MYO16: variants seen among roughly 807,000 people sequenced by gnomAD.
The protein encoded by MYO16 is myosin XVI.
In MYO16, 94 loss-of-function variants were observed where a neutral mutation model predicts 205.3. The ratio of observed to expected loss-of-function variants is 0.46; its 90% CI spans 0.39 to 0.54. The LOEUF is 0.54. Ranked by LOEUF, MYO16 falls within the 20% of genes least tolerant of loss-of-function variation. The pLI, the probability that MYO16 is intolerant of heterozygous loss-of-function variation, is 0.00. For missense variants in MYO16, 2,315 were observed against 2,387.5 expected (o/e 0.97, Z 0.63); for synonymous variants, 988 against 954.0 (o/e 1.04, Z -0.66).
chr13:108,761,724 G>T (rs1755750340), intron 4 of MYO16, among the ~76,000 whole-genome samples: 1 of 152,186 alleles, frequency 6.6e-6, no homozygotes, highest in African/African-American at 2.4e-5. Flanking sequence ...TTCACTGAGG[G>T]ATCGTCTATT....
intron 20 of MYO16, among the ~76,000 whole-genome samples, chr13:108,966,131 G>A (rs963831612): frequency 6.6e-6 from 1 of 152,156 alleles, no homozygotes; most frequent in Non-Finnish European, 1.5e-5. Context: ...TGATTTGAGA[G>A]TAGCTATGGT....
intron 21 of MYO16, among the ~76,000 whole-genome samples, chr13:108,996,742 A>G (rs946430395): frequency 6.6e-6 from 1 of 152,198 alleles, no homozygotes; most frequent in Non-Finnish European, 1.5e-5. Context: ...TGTTTAAAAT[A>G]GTTCATCATG....
chr13:108,702,499 A>G (rs918092031), intron 2 of MYO16, among the ~76,000 whole-genome samples: 3 of 152,198 alleles, frequency 2.0e-5, no homozygotes, highest in Admixed American at 1.3e-4. Context: ...GCAAACAAAA[A>G]CTAAGAGAAT....
At position 109,055,628 on chromosome 13, in the gene MYO16, C is replaced by T. The variant is rs749904872; in HGVS notation, c.3335+33C>T. ...CTTCTGCTCTTAAAATCGTCGTTCTCGCTGCTGTTCAGTGCAGTGTACTGA... is the reference window on the plus strand; with the variant it reads ...CTTCTGCTCTTAAAATCGTCGTTCTTGCTGCTGTTCAGTGCAGTGTACTGA... On this transcript the variant is annotated intron_variant, in intron 27 of 34. Transcript: ENST00000457511. This position sits in a 1 kb window ranked among gnomAD's most constrained non-coding sequence, Gnocchi z 5.0. 20 of 1,568,000 alleles carry T rather than the reference C, an allele frequency of 1.3e-5. No homozygotes were observed. The highest frequency in any genetic ancestry group is 9.0e-5 in the East Asian group (4 of 44,684).
intron 2 of MYO16, among the ~76,000 whole-genome samples, chr13:108,702,664 A>C (rs1883356554): frequency 6.6e-6 from 1 of 152,120 alleles, no homozygotes; most frequent in Admixed American, 6.5e-5. Context: ...TATTTTTGTT[A>C]CTCTAATTTT....
At position 108,945,148 on chromosome 13, in the gene MYO16, C is replaced by T. The variant is rs78565335; in HGVS notation, c.1926-12540C>T. ...TCTTGTGTAACTTACTTCGATTTCT[C>T]ACACTAACATCTCTAAATTAGAATA... On this transcript the variant is annotated intron_variant, in intron 16 of 34. Transcript: ENST00000457511. 6.0e-3 allele frequency among the ~76,000 whole-genome samples: 909 copies of T among 152,266 alleles called. 8 individuals carry two copies. The highest frequency in any genetic ancestry group is 0.02 in the African/African-American group (814 of 41,556).
chr13:109,050,593 C>T lies in MYO16; in HGVS notation c.2873-1707C>T, dbSNP rs117037884. Among the ~76,000 whole-genome samples, 334 of 152,248 alleles carry T rather than the reference C, an allele frequency of 2.2e-3. 3 individuals carry two copies. Among genetic ancestry groups the T allele is most frequent in the Middle Eastern group, 6.8e-3 (2 of 294 alleles). ...AACTTTTACCCATTAGTTTTACATG[C>T]GTTCATGATTCTTGCCTAAATCAGT... On this transcript the variant is annotated intron_variant, in intron 24 of 34. Coordinates refer to ENST00000457511, the MANE Select transcript of MYO16 (RefSeq NM_001198950.3).
chr13:109,170,654 T>TA (rs2139892191), intron 33 of MYO16, among the ~76,000 whole-genome samples: 1 of 148,708 alleles, frequency 6.7e-6, no homozygotes, highest in East Asian at 1.9e-4. Flanking sequence ...GAAATGATCC[T>TA]AAAAAACTTA....
At chr13:108,506,385 T>C in the MYO16 span, among the ~76,000 whole-genome samples, 2 of 152,176 alleles carry the variant, frequency 1.3e-5, no homozygotes, top group Non-Finnish European at 2.9e-5. Context: ...CCTCTCTGGT[T>C]TAGTTTATTC....
chr13:109,140,454 G>T lies in MYO16; in HGVS notation c.4242G>T (p.Pro1414=). The T allele has an allele frequency of 6.5e-7, 1 of 1,543,100 alleles. No individual in the cohort carries two copies. Among genetic ancestry groups the T allele is most frequent in the Non-Finnish European group, 8.7e-7 (1 of 1,152,498 alleles). ...CGCGCGTTCTGACCCCCGGGACTCC[G>T]CAGTGCGCGCTGCCCCCGGCGGCGC... ...AAARVLTPGT[P]QCALPPAAPP... The change falls in exon 32 of 35, where the codon CCG becomes CCT. Residue 1414 remains proline, a synonymous_variant. Coordinates refer to ENST00000457511, the MANE Select transcript of MYO16 (RefSeq NM_001198950.3). This position sits in a 1 kb window ranked among gnomAD's most constrained non-coding sequence, Gnocchi z 8.0.
rs375279066 is a variant in MYO16, at chr13:108,727,526, G to T, written c.450G>T (p.Thr150=). The change falls in exon 4 of 35, where the codon ACG becomes ACT. Residue 150 remains threonine (T), a synonymous_variant. Coordinates refer to ENST00000457511, the MANE Select transcript of MYO16 (RefSeq NM_001198950.3). The stretch of plus-strand genomic sequence containing the variant: ...ACCACCAGGATGAAGACTTCTGGAC[G>T]CCCATGCACATTGCCTGTGCCTGCG... The part of the protein sequence containing the change: ...NVNHQDEDFW[T]PMHIACACDN... The T allele has an allele frequency of 3.7e-6, 6 of 1,613,970 alleles. No homozygotes were observed. The Middle Eastern group carries it at 4.9e-4, about 133-fold the overall frequency.
rs550399424 is a variant in MYO16, at chr13:108,858,273, C to A, written c.1359+2720C>A. Among the ~76,000 whole-genome samples, 27 of 152,218 alleles carry A rather than the reference C, an allele frequency of 1.8e-4. No homozygotes were observed. In the South Asian group the frequency reaches 5.6e-3, roughly 32 times the overall value. On this transcript the variant is annotated intron_variant, in intron 11 of 34. Coordinates refer to ENST00000457511, the MANE Select transcript of MYO16 (RefSeq NM_001198950.3). ...CTTTTAATCACATTTTTTAGTAATT[C>A]TTTTTATTATGTTTTACAAAGGTAT...
At chr13:108,749,978 A>G (rs1885179158) in intron 4 of MYO16, among the ~76,000 whole-genome samples, 1 of 152,270 alleles carries the variant, frequency 6.6e-6, no homozygotes, top group African/African-American at 2.4e-5. Flanking sequence ...CCATGAGCAG[A>G]CATGGATAGA....
At chr13:109,022,839 A>G (rs1392042013) in intron 23 of MYO16, among the ~76,000 whole-genome samples, 1 of 136,970 alleles carries the variant, frequency 7.3e-6, no homozygotes, top group Non-Finnish European at 1.5e-5. Flanking sequence ...TAAACATAGT[A>G]TATATTTATA....
intron 16 of MYO16, among the ~76,000 whole-genome samples, chr13:108,928,365 A>G (rs1882102407): frequency 6.6e-6 from 1 of 152,250 alleles, no homozygotes; most frequent in Non-Finnish European, 1.5e-5. Context: ...GATGTAGTCT[A>G]TTAGCTAGGG....
intron 32 of MYO16, among the ~76,000 whole-genome samples, chr13:109,152,035 G>C (rs1286235686): frequency 1.3e-5 from 2 of 152,188 alleles, no homozygotes; most frequent in Non-Finnish European, 2.9e-5. Flanking sequence ...ACTTCTGCCA[G>C]TTCACAGATC....
At chr13:108,533,761 T>C in the MYO16 span, among the ~76,000 whole-genome samples, 1 of 152,262 alleles carries the variant, frequency 6.6e-6, no homozygotes, top group Admixed American at 6.5e-5. Flanking sequence ...GATGACATTC[T>C]ATTTTCCATA....
intron 27 of MYO16, among the ~76,000 whole-genome samples, chr13:109,085,132 G>A (rs1479666922): frequency 1.3e-5 from 2 of 152,106 alleles, no homozygotes; most frequent in East Asian, 1.9e-4. Flanking sequence ...GTTGAACTAG[G>A]GAAAGACACA....
intron 16 of MYO16, among the ~76,000 whole-genome samples, chr13:108,944,354 G>T (rs944858644): frequency 6.6e-6 from 1 of 152,140 alleles, no homozygotes; most frequent in Non-Finnish European, 1.5e-5. Context: ...TAAGATTGAA[G>T]AGGAAAAGGG....
Sources: allele counts gnomAD v4.1 joint callset (sites outside exome capture counted in the v4.1 genomes callset), GRCh38; gene constraint gnomAD v4.1.1; non-coding constraint Gnocchi (gnomAD v3.1); transcripts MANE v1.5; gene names NCBI Gene and HGNC (gene_info 2026-07-23, HGNC 2026-07-21).